The following TRPC6 variants were observed in gnomAD, a reference collection of about 807,000 sequenced individuals.
TRPC6 encodes short transient receptor potential channel 6.
A neutral mutation model predicts 90.7 loss-of-function variants in TRPC6; 55 were observed. The ratio of observed to expected loss-of-function variants is 0.61; its 90% confidence interval spans 0.49 to 0.76. The LOEUF (loss-of-function observed/expected upper bound fraction) is 0.76, where lower values mean the gene tolerates loss of function less well. Ranked by LOEUF, TRPC6 falls within the 30% of genes least tolerant of loss-of-function variation. The pLI is 0.00. For synonymous variants in TRPC6, 393 were observed against 393.0 expected (o/e 1.00, Z 0.00); for missense variants, 989 against 1,122.7 (o/e 0.88, Z 1.70).
At chr11:101,536,733 G>A (rs574943102) in intron 1 of TRPC6, among the ~76,000 whole-genome samples, 8 of 152,150 alleles carry the variant, frequency 5.3e-5, no homozygotes, top group Non-Finnish European at 1.2e-4. Flanking sequence ...CATTAGTCAG[G>A]GGCGAGAGCA....
intron 1 of TRPC6, among the ~76,000 whole-genome samples, chr11:101,510,724 A>T (rs1187842144): frequency 6.6e-6 from 1 of 152,114 alleles, no homozygotes; most frequent in Non-Finnish European, 1.5e-5. Context: ...TGCCCCAGAT[A>T]GTGAGAGATG....
Position 101,486,941 on chromosome 11 carries a change from G to GA in TRPC6, c.1293+1995dup, listed in dbSNP as rs1055332076. Among the ~76,000 whole-genome samples, 7 of 151,954 alleles carry GA rather than the reference G, an allele frequency of 4.6e-5. 1 individual carries two copies. Among genetic ancestry groups the GA allele is most frequent in the Non-Finnish European group, 4.4e-5 (3 of 67,888 alleles). ...ACAGTAAAATAGGTTTTGGATAGGA[G>GA]AAAAAAAATACCTTGACAATGTCCT... On this transcript the variant is annotated intron_variant, in intron 4 of 12. Transcript: ENST00000344327.
At chr11:101,455,420 G>T in intron 10 of TRPC6, 1 of 269,722 alleles carries the variant, frequency 3.7e-6, no homozygotes, top group African/African-American at 2.2e-5. Context: ...CAAACAAATT[G>T]AGGAAATAAT....
chr11:101,514,244 G>A (rs548146436), intron 1 of TRPC6, among the ~76,000 whole-genome samples: 1 of 151,168 alleles, frequency 6.6e-6, no homozygotes, highest in African/African-American at 2.4e-5. Flanking sequence ...TAGGCACATT[G>A]GGGGTACAGC....
chr11:101,553,252 A>T (rs1861488103), intron 1 of TRPC6, among the ~76,000 whole-genome samples: 1 of 152,104 alleles, frequency 6.6e-6, no homozygotes, highest in African/African-American at 2.4e-5. Flanking sequence ...GCAGAAACCA[A>T]ATGCTGTTCT....
intron 1 of TRPC6, among the ~76,000 whole-genome samples, chr11:101,505,568 G>A (rs7927674): frequency 0.46 from 69,750 of 151,936 alleles, 16,364 homozygotes; most frequent in African/African-American, 0.55. Context: ...TCATTAATAT[G>A]GGCAATAAAT....
At chr11:101,481,991 C>T (rs1269140640) in intron 5 of TRPC6, among the ~76,000 whole-genome samples, 1 of 152,162 alleles carries the variant, frequency 6.6e-6, no homozygotes, top group Non-Finnish European at 1.5e-5. Flanking sequence ...CCAAACAGGT[C>T]TGTTTAACAT....
At chr11:101,556,181 C>A (rs1861556883) in intron 1 of TRPC6, among the ~76,000 whole-genome samples, 1 of 151,784 alleles carries the variant, frequency 6.6e-6, no homozygotes, top group South Asian at 2.1e-4. Flanking sequence ...ATAAACTAAG[C>A]CCATAGTTAG....
intron 2 of TRPC6, among the ~76,000 whole-genome samples, chr11:101,502,160 C>T (rs1055073223): frequency 1.4e-4 from 21 of 152,162 alleles, no homozygotes; most frequent in African/African-American, 5.1e-4. Context: ...CAGATCTTTA[C>T]GTCTTCATCA....
intron 1 of TRPC6, among the ~76,000 whole-genome samples, chr11:101,562,021 A>G (rs1591139359): frequency 3.9e-5 from 6 of 152,244 alleles, no homozygotes; most frequent in African/African-American, 1.4e-4. Context: ...GATATACCGT[A>G]GGATCACAAA....
intron 1 of TRPC6, among the ~76,000 whole-genome samples, chr11:101,558,572 G>C (rs1212237826): frequency 6.6e-6 from 1 of 150,848 alleles, no homozygotes; most frequent in Non-Finnish European, 1.5e-5. Flanking sequence ...TTGTGTGTTT[G>C]TTTGGGACAG....
chr11:101,531,801 A>C (rs1860918146), intron 1 of TRPC6, among the ~76,000 whole-genome samples: 1 of 152,136 alleles, frequency 6.6e-6, no homozygotes, highest in African/African-American at 2.4e-5. Flanking sequence ...TCTATAACCA[A>C]TCGAGTTCAT....
At position 101,504,226 on chromosome 11, in the gene TRPC6, G is replaced by A; in HGVS notation, c.743C>T (p.Pro248Leu). ...ATTGCACTTGCAGAAATAATCATGA[G>A]GCCGTTCAATCCTAGCACCCTTCCG... ...LLRKGARIER[P>L]HDYFCKCNDC... The change falls in exon 2 of 13, where the codon CCT becomes CTT. Residue 248 changes from proline to leucine, a missense_variant. Pro to Leu is a moderately conservative substitution (Grantham distance 98, BLOSUM62 -3). Around this residue, in one of 4 missense-constraint regions of TRPC6, gnomAD observed 486 missense variants for 591.9 expected, o/e 0.82. Transcript: ENST00000344327. 6.2e-7 allele frequency: 1 copy of A among 1,614,082 alleles called. No homozygotes were observed. Among genetic ancestry groups the A allele is most frequent in the Non-Finnish European group, 8.5e-7 (1 of 1,179,990 alleles).
intron 1 of TRPC6, among the ~76,000 whole-genome samples, chr11:101,508,380 G>T (rs1196044379): frequency 6.6e-6 from 1 of 152,092 alleles, no homozygotes; most frequent in Non-Finnish European, 1.5e-5. Context: ...TTTGGCAAAA[G>T]GTGATGTCTG....
At chr11:101,570,488 G>C (rs1861937839) in intron 1 of TRPC6, among the ~76,000 whole-genome samples, 1 of 152,020 alleles carries the variant, frequency 6.6e-6, no homozygotes. Flanking sequence ...ATTCCAAACA[G>C]TAGAAAAAGA....
rs768710528 is a variant in TRPC6 at position 101,451,651 on chromosome 11, G to C, written c.*1304C>G. On this transcript the variant is annotated 3_prime_UTR_variant, in exon 13 of 13. Transcript: ENST00000344327. ...CAAAATCACTGAATATAAATTTTCA[G>C]CTGTATTTTCTGATCTGGTTACATA... 1 of 152,116 alleles carries C rather than the reference G, an allele frequency of 6.6e-6. No homozygotes were observed. The highest frequency in any genetic ancestry group is 1.9e-4 in the East Asian group (1 of 5,200). 9.4% of individuals were successfully genotyped at this position (152,116 alleles called of 1,614,324 possible).
chr11:101,582,326 G>A (rs538888708), intron 1 of TRPC6, among the ~76,000 whole-genome samples: 2 of 152,266 alleles, frequency 1.3e-5, no homozygotes, highest in South Asian at 2.1e-4. Flanking sequence ...AGGCGCCTAT[G>A]GGGTGGAATC....
intron 1 of TRPC6, among the ~76,000 whole-genome samples, chr11:101,575,113 T>C (rs2136895476): frequency 6.6e-6 from 1 of 152,316 alleles, no homozygotes; most frequent in South Asian, 2.1e-4. Context: ...TATGCAAATC[T>C]TGTGGTTAAA....
chr11:101,467,631 A>G (rs1342561499), intron 10 of TRPC6, among the ~76,000 whole-genome samples: 1 of 152,206 alleles, frequency 6.6e-6, no homozygotes, highest in African/African-American at 2.4e-5. Flanking sequence ...TATGTATTCT[A>G]TTCATGATAA....
Sources: allele counts gnomAD v4.1 joint callset (sites outside exome capture counted in the v4.1 genomes callset), GRCh38; gene constraint gnomAD v4.1.1; regional missense constraint gnomAD v4.1.1; transcripts MANE v1.5; gene names NCBI Gene and HGNC (gene_info 2026-07-23, HGNC 2026-07-21).